The following GLIS3 variants were observed in gnomAD, a reference collection of about 807,000 sequenced individuals.
GLIS3 encodes zinc finger protein GLIS3.
In GLIS3, 53 loss-of-function variants were observed where a neutral mutation model predicts 78.6. The observed-to-expected ratio is 0.67, with a 90% CI of 0.54 to 0.85. GLIS3 has a LOEUF of 0.85. Ranked by LOEUF, GLIS3 falls within the 40% of genes least tolerant of loss-of-function variation. The pLI is 0.00. For synonymous variants in GLIS3, 684 were observed against 509.9 expected (o/e 1.34, Z -4.60); for missense variants, 1,703 against 1,231.1 (o/e 1.38, Z -5.74).
the GLIS3 span, among the ~76,000 whole-genome samples, chr9:4,462,628 C>CAG: frequency 1.4e-5 from 2 of 144,716 alleles, no homozygotes; most frequent in African/African-American, 2.7e-5. Context: ...CACACACACA[C>CAG]ACACAGACAC....
intron 2 of GLIS3, among the ~76,000 whole-genome samples, chr9:4,326,992 G>A (rs896478665): frequency 6.6e-6 from 1 of 152,200 alleles, no homozygotes; most frequent in Non-Finnish European, 1.5e-5. Flanking sequence ...TAGGGGTACA[G>A]CATAGAGCAA....
chr9:4,014,526 G>A (rs1822284703), intron 4 of GLIS3, among the ~76,000 whole-genome samples: 2 of 152,178 alleles, frequency 1.3e-5, no homozygotes, highest in Admixed American at 6.5e-5. Context: ...AATGCAGGCA[G>A]AAATTGGAGT....
intron 2 of GLIS3, among the ~76,000 whole-genome samples, chr9:4,133,825 T>TATACACACAC (rs1232604243): frequency 1.6e-5 from 2 of 121,736 alleles, no homozygotes; most frequent in Non-Finnish European, 3.6e-5. Context: ...CAAGACCTTC[T>TATACACACAC]ACACACACAC....
chr9:4,048,873 T>C (rs990058800), intron 4 of GLIS3, among the ~76,000 whole-genome samples: 3 of 152,182 alleles, frequency 2.0e-5, no homozygotes, highest in Non-Finnish European at 2.9e-5. Flanking sequence ...ACAGGCAATG[T>C]AGACCTCCTA....
chr9:4,108,335 C>G (rs1321175836), intron 4 of GLIS3, among the ~76,000 whole-genome samples: 2 of 152,220 alleles, frequency 1.3e-5, no homozygotes, highest in East Asian at 3.9e-4. Context: ...AGTTCTTTCC[C>G]AAAAGCAAGC....
chr9:4,224,336 T>G (rs1247891161), intron 2 of GLIS3, among the ~76,000 whole-genome samples: 1 of 152,252 alleles, frequency 6.6e-6, no homozygotes, highest in African/African-American at 2.4e-5. Flanking sequence ...AAACTGTGAC[T>G]ATTTCAATGA....
At chr9:4,458,957 G>C in the GLIS3 span, among the ~76,000 whole-genome samples, 407 of 152,268 alleles carry the variant, frequency 2.7e-3, 4 homozygotes, top group African/African-American at 8.8e-3. Context: ...TAAGAGGCAA[G>C]ATCAGAAAGG....
chr9:4,446,504 ATTTTTT>A, the GLIS3 span, among the ~76,000 whole-genome samples: 1 of 124,144 alleles, frequency 8.1e-6, no homozygotes, highest in African/African-American at 3.1e-5. Context: ...AAATATCCAA[ATTTTTT>A]TTTTTTTTTT....
At chr9:4,101,230 T>C (rs1248130814) in intron 4 of GLIS3, among the ~76,000 whole-genome samples, 1 of 152,210 alleles carries the variant, frequency 6.6e-6, no homozygotes, top group Non-Finnish European at 1.5e-5. Context: ...AACGGATTAC[T>C]GTGAGAGTCC....
intron 4 of GLIS3, among the ~76,000 whole-genome samples, chr9:4,089,385 T>C (rs1829306095): frequency 6.6e-6 from 1 of 152,170 alleles, no homozygotes; most frequent in Non-Finnish European, 1.5e-5. Context: ...AGAAAATGTA[T>C]ATGTGTGTGT....
chr9:4,152,241 G>C (rs1168273060), intron 2 of GLIS3: 2 of 357,250 alleles, frequency 5.6e-6, no homozygotes, highest in South Asian at 2.3e-4. Context: ...AAGTGACTGG[G>C]AACCTTTGTG....
intron 4 of GLIS3, among the ~76,000 whole-genome samples, chr9:4,069,216 G>A (rs2130621286): frequency 6.6e-6 from 1 of 152,282 alleles, no homozygotes; most frequent in African/African-American, 2.4e-5. Flanking sequence ...TATGGTTGGG[G>A]GAATTAATTG....
In GLIS3 at chr9:4,299,776, T is replaced by C. The variant is rs2130477301; in HGVS notation, c.-454A>G. 6.6e-6 allele frequency: 1 copy of C among 152,462 alleles called. No homozygotes were observed. The allele number at this position is 152,462 out of a possible 1,614,324, so 9.4% of individuals were successfully genotyped here. A position where few individuals can be genotyped will look rare whatever the true frequency, so the allele number is the denominator to read the frequency against. ...TCTAAAAAGTTCAGTTGCGACTTTGTGCCTCGCCTGTCCTGTTCATCCTCG... is the reference window on the plus strand; with the variant it reads ...TCTAAAAAGTTCAGTTGCGACTTTGCGCCTCGCCTGTCCTGTTCATCCTCG... On this transcript the variant is annotated 5_prime_UTR_variant, in exon 1 of 11. Coordinates refer to ENST00000381971, the MANE Select transcript of GLIS3 (RefSeq NM_001042413.2).
intron 2 of GLIS3, among the ~76,000 whole-genome samples, chr9:4,252,595 T>C (rs1237562026): frequency 6.6e-6 from 1 of 152,210 alleles, no homozygotes; most frequent in East Asian, 1.9e-4. Context: ...AGCCACCTTC[T>C]GAAGCCTACT....
At chr9:4,117,636 G>A (rs1831763959) in intron 4 of GLIS3, 132 bp downstream of exon 4, 2 of 985,678 alleles carry the variant, frequency 2.0e-6, no homozygotes, top group Non-Finnish European at 3.3e-6. Flanking sequence ...TCAAGCTGAA[G>A]GGGAACCCCA....
At chr9:4,356,475 G>A in the GLIS3 span, among the ~76,000 whole-genome samples, 2 of 152,206 alleles carry the variant, frequency 1.3e-5, no homozygotes, top group Admixed American at 6.5e-5. Flanking sequence ...ATGGAGAGCA[G>A]AGAAAATGTT....
chr9:4,288,852 G>A (rs1443815808), intron 1 of GLIS3, among the ~76,000 whole-genome samples: 1 of 151,988 alleles, frequency 6.6e-6, no homozygotes, highest in African/African-American at 2.4e-5. Flanking sequence ...TGTAAGCTGA[G>A]CAAAACCAGC....
At chr9:4,095,689 CA>C (rs777557449) in intron 4 of GLIS3, among the ~76,000 whole-genome samples, 2 of 152,156 alleles carry the variant, frequency 1.3e-5, no homozygotes, top group Non-Finnish European at 2.9e-5. Context: ...AAATTTGCTT[CA>C]TGTTTAATGA....
intron 4 of GLIS3, among the ~76,000 whole-genome samples, chr9:3,941,855 A>C (rs1330012486): frequency 6.6e-6 from 1 of 152,224 alleles, no homozygotes; most frequent in Admixed American, 6.5e-5. Context: ...AATTTAGATT[A>C]TTTTATATTT....
Sources: allele counts gnomAD v4.1 joint callset (sites outside exome capture counted in the v4.1 genomes callset), GRCh38; gene constraint gnomAD v4.1.1; transcripts MANE v1.5; gene names NCBI Gene and HGNC (gene_info 2026-07-23, HGNC 2026-07-21).